MYO18A: variants seen among roughly 807,000 people sequenced by gnomAD.
The protein encoded by MYO18A is myosin XVIIIA.
Under a neutral mutation model 235.8 loss-of-function variants are expected in MYO18A, and 78 were observed. The ratio of observed to expected loss-of-function variants is 0.33; its 90% CI spans 0.28 to 0.40. MYO18A has a LOEUF of 0.40. Among genes scored for constraint, MYO18A ranks in the 10% least tolerant of loss-of-function variants. MYO18A has a pLI of 1.00. For missense variants in MYO18A, 2,215 were observed against 2,699.3 expected (o/e 0.82, Z 3.98); for synonymous variants, 977 against 1,077.8 (o/e 0.91, Z 1.83).
Position 29,121,194 on chromosome 17 carries a change from C to T in MYO18A, c.1389G>A (p.Lys463=). 2 of 1,608,236 alleles carry T rather than the reference C, an allele frequency of 1.2e-6. No individual in the cohort carries two copies. ...VYSEKVMHMF[K]GCRREDMAPH... ...GTGCCATGTCCTCCCGCCGACAACC[C>T]TTGAACATGTGCATCACCTTGGGCA... The change falls in exon 6 of 42, where the codon AAG becomes AAA. Residue 463 remains lysine, a synonymous_variant. Transcript: ENST00000527372. The surrounding 1 kb of genome is among the most constrained non-coding windows in gnomAD (Gnocchi z 4.2).
At chr17:29,089,768 C>T (rs554466708) in intron 37 of MYO18A, among the ~76,000 whole-genome samples, 193 bp downstream of exon 37, 6 of 152,306 alleles carry the variant, frequency 3.9e-5, no homozygotes, top group Admixed American at 2.0e-4. Context: ...GTAAAGCAGG[C>T]GGGCTCCACG....
At chr17:29,130,475 CA>C (rs1190233615) in intron 2 of MYO18A, among the ~76,000 whole-genome samples, 242 of 3,764 alleles carry the variant, frequency 0.064, no homozygotes, top group Non-Finnish European at 0.083. Flanking sequence ...AGGCCTCTCC[CA>C]CACACACACA....
In MYO18A at chr17:29,109,898, G is replaced by C. The variant is rs997767094; in HGVS notation, c.3291C>G (p.Arg1097=). 1.3e-6 allele frequency: 2 copies of C among 1,574,734 alleles called. No homozygotes were observed. The highest frequency in any genetic ancestry group is 1.7e-4 in the Middle Eastern group (1 of 5,840). ...LDVPLLRTQL[R]GSRLLDAMRM... ...GCATGGCATCGAGCAGGCGGGAGCC[G>C]CGGAGCTGGGTGCGGAGCAGGGGCA... The change falls in exon 19 of 42, where the codon CGC becomes CGG. Residue 1097 remains arginine, a synonymous_variant. Coordinates refer to ENST00000527372, the MANE Select transcript of MYO18A (RefSeq NM_078471.4). The surrounding 1 kb of genome is among the most constrained non-coding windows in gnomAD (Gnocchi z 4.1).
chr17:29,159,803 A>C (rs2152964702), intron 2 of MYO18A, among the ~76,000 whole-genome samples: 1 of 152,318 alleles, frequency 6.6e-6, no homozygotes, highest in South Asian at 2.1e-4. Context: ...CCCTACAGCA[A>C]AAGGGCTCTC....
intron 21 of MYO18A, among the ~76,000 whole-genome samples, chr17:29,102,387 C>G (rs1287718322): frequency 6.6e-6 from 1 of 152,104 alleles, no homozygotes; most frequent in Non-Finnish European, 1.5e-5. Flanking sequence ...AGGGAGAGAC[C>G]CTGCAGCTGA....
intron 11 of MYO18A, 120 bp downstream of exon 11, chr17:29,116,324 A>T: frequency 8.7e-7 from 1 of 1,153,728 alleles, no homozygotes; most frequent in Non-Finnish European, 1.3e-6. Context: ...TGATGGCCCA[A>T]CAGTGGGGAG....
intron 41 of MYO18A, chr17:29,076,046 C>T (rs527842310): frequency 6.3e-6 from 1 of 158,464 alleles, no homozygotes; most frequent in African/African-American, 2.4e-5. Context: ...AGTCAGCGTT[C>T]TGCGGCAAGA....
At chr17:29,154,986 T>G (rs1165927793) in intron 2 of MYO18A, among the ~76,000 whole-genome samples, 1 of 152,168 alleles carries the variant, frequency 6.6e-6, no homozygotes, top group Non-Finnish European at 1.5e-5. Context: ...AAGGTTCTAC[T>G]GGAATCTCTA....
intron 2 of MYO18A, among the ~76,000 whole-genome samples, chr17:29,133,476 G>A (rs1296693101): frequency 1.3e-5 from 2 of 152,176 alleles, no homozygotes; most frequent in South Asian, 2.1e-4. Flanking sequence ...AGCAGCCCAC[G>A]TTCCAGGGGT....
chr17:29,109,416 C>T lies in MYO18A; in HGVS notation c.3331+442G>A, dbSNP rs1598316964. On this transcript the variant is annotated intron_variant, in intron 19 of 41. Transcript: ENST00000527372. The surrounding 1 kb of genome is among the most constrained non-coding windows in gnomAD (Gnocchi z 4.1). ...TGTCTGTCGCCTCCTTTAGATGGGT[C>T]CATAAAAAAGGGTCTGTCTGACCTT... 6.6e-6 allele frequency among the ~76,000 whole-genome samples: 1 copy of T among 152,126 alleles called. No individual in the cohort carries two copies. Among genetic ancestry groups the T allele is most frequent in the East Asian group, 1.9e-4 (1 of 5,200 alleles).
chr17:29,080,976 C>T, intron 41 of MYO18A: 2 of 985,480 alleles, frequency 2.0e-6, no homozygotes, highest in South Asian at 4.7e-5. Flanking sequence ...GCCTCTCCTC[C>T]ACCCCCGGGG....
At chr17:29,123,817 G>A (rs956042319) in intron 2 of MYO18A, among the ~76,000 whole-genome samples, 1 of 152,214 alleles carries the variant, frequency 6.6e-6, no homozygotes, top group Non-Finnish European at 1.5e-5. Context: ...GGGAGGCTGA[G>A]GTGGGTGGAT....
In MYO18A at chr17:29,111,541, A is replaced by G; in HGVS notation, c.2783T>C (p.Leu928Pro). 1 of 1,613,826 alleles carries G rather than the reference A, an allele frequency of 6.2e-7. No homozygotes were observed. The highest frequency in any genetic ancestry group is 8.5e-7 in the Non-Finnish European group (1 of 1,179,844). The change falls in exon 17 of 42, where the codon CTC (leucine) becomes CCC (proline). Residue 928 changes from leucine to proline, a missense_variant. Coordinates refer to ENST00000527372, the MANE Select transcript of MYO18A (RefSeq NM_078471.4). This position sits in a 1 kb window ranked among gnomAD's most constrained non-coding sequence, Gnocchi z 5.1. Reference protein sequence around the residue: ...LLHSSKPHHFLLGHSHGTNWV... With the variant: ...LLHSSKPHHFPLGHSHGTNWV... ...GTTGGTGCCATGGCTGTGGCCCAGG[A>G]GAAAGTGGTGTGGTTTGCTGCTGTG...
At position 29,092,464 on chromosome 17, in the gene MYO18A, C is replaced by T. The variant is rs371625012; in HGVS notation, c.5074-8G>A. 2 of 1,605,354 alleles carry T rather than the reference C, an allele frequency of 1.2e-6. No homozygotes were observed. The highest frequency in any genetic ancestry group is 1.3e-5 in the African/African-American group (1 of 74,820). ...GAACTCTGACTCCTCCAGCTGGACA[C>T]AGACCACCCCCGCCCCAGGGAGAGA... On this transcript the variant is annotated splice_region_variant and splice_polypyrimidine_tract_variant and intron_variant, in intron 33 of 41. Coordinates refer to ENST00000527372, the MANE Select transcript of MYO18A (RefSeq NM_078471.4).
At position 29,120,772 on chromosome 17, in the gene MYO18A, G is replaced by C. The variant is rs776939269; in HGVS notation, c.1586-14C>G. 44 of 1,607,378 alleles carry C rather than the reference G, an allele frequency of 2.7e-5. No homozygotes were observed. Among genetic ancestry groups the C allele is most frequent in the Non-Finnish European group, 3.4e-5 (40 of 1,176,128 alleles). ...GCCACTTCTCCACTGCAGAATACAGGCCCAAGGGGATATCAGGAAAGCCAG... is the reference window on the plus strand; with the variant it reads ...GCCACTTCTCCACTGCAGAATACAGCCCCAAGGGGATATCAGGAAAGCCAG... On this transcript the variant is annotated splice_polypyrimidine_tract_variant and intron_variant, in intron 6 of 41. Coordinates refer to ENST00000527372, the MANE Select transcript of MYO18A (RefSeq NM_078471.4). The surrounding 1 kb of genome is among the most constrained non-coding windows in gnomAD (Gnocchi z 4.2).
At chr17:29,099,101 C>T (rs1346548222) in intron 22 of MYO18A, 132 bp from the exon 23 acceptor site, 5 of 1,128,452 alleles carry the variant, frequency 4.4e-6, no homozygotes, top group South Asian at 4.3e-5. Context: ...GAGTCAGATA[C>T]TTCTCATGCT....
rs181975309 is a variant in MYO18A, at chr17:29,096,052, G to A, written c.4385+709C>T. On this transcript the variant is annotated intron_variant, in intron 28 of 41. Coordinates refer to ENST00000527372, the MANE Select transcript of MYO18A (RefSeq NM_078471.4). Reference sequence around the variant, plus strand: ...GAGATGGTGGTTGGTCCAGGAGGCCGGGGGTAACCCAGGGTCACTGGAAAG... The same window carrying A: ...GAGATGGTGGTTGGTCCAGGAGGCCAGGGGTAACCCAGGGTCACTGGAAAG... Among the ~76,000 whole-genome samples the A allele has an allele frequency of 1.3e-3, 197 of 152,272 alleles. 1 individual carries two copies. The highest frequency in any genetic ancestry group is 4.6e-3 in the African/African-American group (191 of 41,538).
intron 21 of MYO18A, among the ~76,000 whole-genome samples, chr17:29,101,992 C>A (rs1237244865): frequency 6.6e-6 from 1 of 152,154 alleles, no homozygotes; most frequent in African/African-American, 2.4e-5. Flanking sequence ...CAGATGAAGA[C>A]CCCCCTCCTC....
At chr17:29,085,890 T>C (rs754408856) in intron 39 of MYO18A, among the ~76,000 whole-genome samples, 15 of 152,212 alleles carry the variant, frequency 9.9e-5, no homozygotes, top group Non-Finnish European at 1.9e-4. Flanking sequence ...CAGACCTGCC[T>C]GCAGGATGGG....
Sources: gnomAD v4.1 joint callset for allele counts (sites outside exome capture counted in the v4.1 genomes callset) on GRCh38, gnomAD v4.1.1 for gene constraint, Gnocchi (gnomAD v3.1) non-coding constraint, MANE v1.5 for transcripts, NCBI Gene and HGNC (gene_info 2026-07-23, HGNC 2026-07-21) for gene names.